The following MARCHF5 variants were observed in gnomAD, a reference collection of about 807,000 sequenced individuals.
MARCHF5 encodes the protein E3 ubiquitin-protein ligase MARCHF5.
In MARCHF5, 5 loss-of-function variants were observed where a neutral mutation model predicts 36.5. The observed-to-expected ratio is 0.14, with a 90% CI of 0.07 to 0.29. The LOEUF is 0.29. Ranked by LOEUF, MARCHF5 falls within the 10% of genes least tolerant of loss-of-function variation. MARCHF5 has a pLI of 1.00. For synonymous variants in MARCHF5, 103 were observed against 109.9 expected (o/e 0.94, Z 0.39); for missense variants, 179 against 336.3 (o/e 0.53, Z 3.66).
At chr10:92,328,821 A>ATATATATATATATATATATAT (rs372130854) in intron 2 of MARCHF5, among the ~76,000 whole-genome samples, 1 of 122,444 alleles carries the variant, frequency 8.2e-6, no homozygotes, top group African/African-American at 3.2e-5. Context: ...ATATATATAT[A>ATATATATATATATATATATAT]TTTTTTTTTT....
In MARCHF5 at chr10:92,351,608, A is replaced by G. The variant is rs922039041; in HGVS notation, c.*401A>G. 2.6e-5 allele frequency: 4 copies of G among 153,806 alleles called. No individual in the cohort carries two copies. The highest frequency in any genetic ancestry group is 9.6e-5 in the African/African-American group (4 of 41,494). The allele number at this position is 153,806 out of a possible 1,614,324, so 9.5% of individuals were successfully genotyped here. ...CTCAGAATCAGCAACTCAAGGTACTATGAGGATTTTTCTCACTGACATAAT... is the reference window on the plus strand; with the variant it reads ...CTCAGAATCAGCAACTCAAGGTACTGTGAGGATTTTTCTCACTGACATAAT... On this transcript the variant is annotated 3_prime_UTR_variant, in exon 6 of 6. Coordinates refer to ENST00000358935, the MANE Select transcript of MARCHF5 (RefSeq NM_017824.5).
In MARCHF5 at chr10:92,305,180, AG is replaced by A. The variant is rs1200526499; in HGVS notation, c.36-5953del. The stretch of plus-strand genomic sequence containing the variant: ...TCCCAGCACTTTGGGAGGCCTAAGC[AG>A]GCAGATCACAAGGTCAGGAGATGGA... On this transcript the variant is annotated intron_variant, in intron 1 of 5. Coordinates refer to ENST00000358935, the MANE Select transcript of MARCHF5 (RefSeq NM_017824.5). Among the ~76,000 whole-genome samples, 4 of 152,270 alleles carry A rather than the reference AG, an allele frequency of 2.6e-5. No individual in the cohort carries two copies. In the South Asian group the frequency reaches 8.3e-4, roughly 32 times the overall value.
chr10:92,304,281 T>A (rs1057311851), intron 1 of MARCHF5, among the ~76,000 whole-genome samples: 3 of 152,208 alleles, frequency 2.0e-5, no homozygotes, highest in Admixed American at 6.5e-5. Flanking sequence ...TTATTGCTAG[T>A]GGTCATATGG....
intron 1 of MARCHF5, among the ~76,000 whole-genome samples, chr10:92,292,569 G>T (rs1401819498): frequency 1.3e-5 from 2 of 152,086 alleles, no homozygotes; most frequent in East Asian, 3.8e-4. Flanking sequence ...AATGACCCAA[G>T]GGTACACATC....
chr10:92,343,377 A>G (rs916287329), intron 3 of MARCHF5, among the ~76,000 whole-genome samples: 1 of 152,180 alleles, frequency 6.6e-6, no homozygotes, highest in Non-Finnish European at 1.5e-5. Context: ...AATGGCAGCT[A>G]GTCCTGCCCT....
intron 3 of MARCHF5, among the ~76,000 whole-genome samples, chr10:92,341,666 C>T (rs1050653190): frequency 6.6e-6 from 1 of 151,768 alleles, no homozygotes; most frequent in African/African-American, 2.4e-5. Flanking sequence ...CTTGTGACTT[C>T]ATACTCAAAA....
intron 2 of MARCHF5, among the ~76,000 whole-genome samples, chr10:92,324,570 G>A (rs780354310): frequency 1.3e-4 from 20 of 152,158 alleles, no homozygotes; most frequent in Non-Finnish European, 2.9e-5. Flanking sequence ...CACTGTGTTA[G>A]CTAGGATGGT....
At chr10:92,292,749 G>GATATATGTGTGTGATATATAT in intron 1 of MARCHF5, among the ~76,000 whole-genome samples, 1 of 152,260 alleles carries the variant, frequency 6.6e-6, no homozygotes, top group South Asian at 2.1e-4. Flanking sequence ...ATATGTGTGT[G>GATATATGTGTGTGATATATAT]ATATGTGTGT....
intron 3 of MARCHF5, among the ~76,000 whole-genome samples, chr10:92,347,463 C>CAGATAGAT (rs71025396): frequency 1.3e-4 from 11 of 82,492 alleles, no homozygotes; most frequent in South Asian, 1.0e-3. Flanking sequence ...AACTCCGTCT[C>CAGATAGAT]AGATAGATAG....
At chr10:92,337,840 G>GTA (rs1843522579) in intron 2 of MARCHF5, among the ~76,000 whole-genome samples, 2 of 151,934 alleles carry the variant, frequency 1.3e-5, no homozygotes, top group South Asian at 4.2e-4. Flanking sequence ...GTGCTGGAGA[G>GTA]CGTCGATAAA....
At chr10:92,328,813 A>ATT (rs1395017544) in intron 2 of MARCHF5, among the ~76,000 whole-genome samples, 1 of 67,028 alleles carries the variant, frequency 1.5e-5, no homozygotes, top group Non-Finnish European at 4.0e-5. Context: ...ATATATATAT[A>ATT]TATATATATT....
rs1056171779 is a variant in MARCHF5, at chr10:92,291,249, C to G, written c.-246C>G. On this transcript the variant is annotated 5_prime_UTR_variant, in exon 1 of 6. Transcript: ENST00000358935. ...GGAACCTCGGGCCGACGGACGGGAA[C>G]CCGGGCCGCGATCGCCGCCTCCCCG... 7.4e-6 allele frequency: 4 copies of G among 541,060 alleles called. No homozygotes were observed. The highest frequency in any genetic ancestry group is 2.0e-5 in the African/African-American group (1 of 49,052). The allele number at this position is 541,060 out of a possible 1,614,324, so 33.5% of individuals were successfully genotyped here.
At chr10:92,322,894 C>T (rs571140757) in intron 2 of MARCHF5, among the ~76,000 whole-genome samples, 20 of 151,926 alleles carry the variant, frequency 1.3e-4, no homozygotes, top group African/African-American at 4.6e-4. Flanking sequence ...TGCACCACCA[C>T]GCCCAGCTAA....
intron 3 of MARCHF5, 118 bp downstream of exon 3, chr10:92,340,921 CT>C: frequency 1.1e-6 from 1 of 935,534 alleles, no homozygotes; most frequent in Non-Finnish European, 1.5e-6. Context: ...CATGTTCTTT[CT>C]AAATGTTATT....
intron 2 of MARCHF5, among the ~76,000 whole-genome samples, chr10:92,312,335 T>C (rs1049322888): frequency 2.4e-4 from 37 of 152,348 alleles, no homozygotes; most frequent in Middle Eastern, 3.4e-3. Flanking sequence ...TCTCTGTTTT[T>C]CTCTAACATG....
intron 2 of MARCHF5, among the ~76,000 whole-genome samples, chr10:92,327,830 C>T (rs1010641060): frequency 5.3e-5 from 8 of 151,296 alleles, no homozygotes; most frequent in Non-Finnish European, 1.0e-4. Flanking sequence ...ATAAACAGGG[C>T]GAAGTCAACA....
chr10:92,313,185 G>C lies in MARCHF5; in HGVS notation c.238+1848G>C, dbSNP rs561299166. 5.3e-5 allele frequency among the ~76,000 whole-genome samples: 8 copies of C among 152,302 alleles called. No homozygotes were observed. The East Asian group carries it at 1.5e-3, about 29-fold the overall frequency. The stretch of plus-strand genomic sequence containing the variant: ...GGAGGCAAAGGTTGCAGTGAGCCAA[G>C]ATCGTGCCACTGCACACAAGCCTGG... On this transcript the variant is annotated intron_variant, in intron 2 of 5. Transcript: ENST00000358935.
At chr10:92,327,144 A>G (rs1383019790) in intron 2 of MARCHF5, among the ~76,000 whole-genome samples, 3 of 152,156 alleles carry the variant, frequency 2.0e-5, no homozygotes, top group South Asian at 2.1e-4. Context: ...GCTACTTGCA[A>G]TGAGGGAACC....
At chr10:92,297,391 A>G (rs1842959349) in intron 1 of MARCHF5, among the ~76,000 whole-genome samples, 1 of 151,516 alleles carries the variant, frequency 6.6e-6, no homozygotes, top group South Asian at 2.1e-4. Context: ...GCTGGTCTCA[A>G]ACTCCTGGGC....
Sources: allele counts gnomAD v4.1 joint callset (sites outside exome capture counted in the v4.1 genomes callset), GRCh38; gene constraint gnomAD v4.1.1; transcripts MANE v1.5; gene names NCBI Gene and HGNC (gene_info 2026-07-23, HGNC 2026-07-21).